ZMYND12: variants seen among roughly 807,000 people sequenced by gnomAD.
ZMYND12 encodes the protein zinc finger MYND domain-containing protein 12.
ZMYND12 carries 32 observed loss-of-function variants against 41.7 expected under a neutral mutation model. The ratio of observed to expected loss-of-function variants is 0.77; its 90% confidence interval spans 0.58 to 1.03. The LOEUF (loss-of-function observed/expected upper bound fraction) is 1.03. Ranked by LOEUF, ZMYND12 falls within the 50% of genes least tolerant of loss-of-function variation. The pLI is 0.00. For synonymous variants in ZMYND12, 148 were observed against 164.8 expected (o/e 0.90, Z 0.78); for missense variants, 424 against 438.5 (o/e 0.97, Z 0.30).
intron 5 of ZMYND12, 83 bp downstream of exon 5, chr1:42,436,334 TGGTA>T: frequency 6.4e-7 from 1 of 1,554,868 alleles, no homozygotes; most frequent in Non-Finnish European, 8.8e-7. Flanking sequence ...TTCTCATGAA[TGGTA>T]TGTTTTTCAT....
intron 7 of ZMYND12, among the ~76,000 whole-genome samples, chr1:42,431,761 C>T (rs1642856271): frequency 6.6e-6 from 1 of 152,138 alleles, no homozygotes; most frequent in African/African-American, 2.4e-5. Context: ...TTTCCTATTC[C>T]TCACCCATTC....
At chr1:42,441,920 G>A (rs1159773518) in intron 3 of ZMYND12, among the ~76,000 whole-genome samples, 1 of 152,144 alleles carries the variant, frequency 6.6e-6, no homozygotes, top group Non-Finnish European at 1.5e-5. Context: ...GCACCCGGCC[G>A]TATTGTTTTT....
chr1:42,436,468 A>G lies in ZMYND12; in HGVS notation c.670T>C (p.Phe224Leu), dbSNP rs895088721. The change falls in exon 5 of 8, where the codon TTC (phenylalanine) becomes CTC (leucine). Residue 224 changes from phenylalanine to leucine, a missense_variant. Transcript: ENST00000372565. ...SGGYFHLANI[F>L]YDLKKLDLAD... The stretch of plus-strand genomic sequence containing the variant: ...AGGTCCAACTTTTTAAGGTCATAGA[A>G]TATATTAGCCAGGTGGAAGTAGCCT... 1 of 1,613,830 alleles carries G rather than the reference A, an allele frequency of 6.2e-7. No homozygotes were observed. The highest frequency in any genetic ancestry group is 8.5e-7 in the Non-Finnish European group (1 of 1,179,734).
rs143846840 is a variant in ZMYND12, at chr1:42,439,216, C to T, written c.594+640G>A. On this transcript the variant is annotated intron_variant, in intron 4 of 7. Coordinates refer to ENST00000372565, the MANE Select transcript of ZMYND12 (RefSeq NM_032257.5). The stretch of plus-strand genomic sequence containing the variant: ...AAGAGGTTAAACAAATTTTCCAAGA[C>T]GATGTGGCTAGTGAAACAGATCTGT... 4.0e-3 allele frequency among the ~76,000 whole-genome samples: 522 copies of T among 132,010 alleles called. 4 individuals are homozygous for T. Among genetic ancestry groups the T allele is most frequent in the African/African-American group, 0.01 (352 of 34,366 alleles). 86.6% of individuals were successfully genotyped at this position (132,010 alleles called of 152,430 possible).
chr1:42,437,334 C>T (rs1398035231), intron 4 of ZMYND12, among the ~76,000 whole-genome samples: 1 of 152,122 alleles, frequency 6.6e-6, no homozygotes, highest in Non-Finnish European at 1.5e-5. Context: ...TGGAAATGTT[C>T]TGAAACTTGA....
At chr1:42,437,134 T>C (rs1434977672) in intron 4 of ZMYND12, among the ~76,000 whole-genome samples, 2 of 152,192 alleles carry the variant, frequency 1.3e-5, no homozygotes, top group Non-Finnish European at 2.9e-5. Context: ...TGTTGATACA[T>C]GCAACAACAT....
chr1:42,451,278 A>G (rs1218032499), intron 1 of ZMYND12, among the ~76,000 whole-genome samples: 4 of 152,154 alleles, frequency 2.6e-5, no homozygotes, highest in African/African-American at 9.7e-5. Context: ...GTCTTCAACC[A>G]TTATTATTAA....
At chr1:42,448,921 T>C (rs993603564) in intron 2 of ZMYND12, among the ~76,000 whole-genome samples, 1 of 152,246 alleles carries the variant, frequency 6.6e-6, no homozygotes, top group African/African-American at 2.4e-5. Context: ...TAAATGAGTA[T>C]TGTTTTTACA....
chr1:42,455,054 AC>A (rs1450712711), intron 1 of ZMYND12, among the ~76,000 whole-genome samples: 1 of 152,140 alleles, frequency 6.6e-6, no homozygotes, highest in Non-Finnish European at 1.5e-5. Context: ...TTATTCATAA[AC>A]TGCTAAAGGG....
chr1:42,435,369 T>C lies in ZMYND12; in HGVS notation c.734A>G (p.His245Arg), dbSNP rs1422586342. ...TTGATAGTGATTGTTCAAATATGCA[T>C]GCCAGATCTCAGAGACCTGTTGGGA... Reference protein sequence around the residue: ...TLYTKVSEIWHAYLNNHYQVL... With the variant: ...TLYTKVSEIWRAYLNNHYQVL... Residue 245 changes from histidine to arginine, a missense_variant, in exon 6 of 8, where the codon CAT (histidine) becomes CGT (arginine). By Grantham distance (29) the His-to-Arg change is conservative (BLOSUM62 0). Transcript: ENST00000372565. The C allele has an allele frequency of 6.2e-7, 1 of 1,613,500 alleles. No homozygotes were observed. The highest frequency in any genetic ancestry group is 1.3e-5 in the African/African-American group (1 of 74,918).
chr1:42,432,516 G>T (rs1468387429), intron 7 of ZMYND12, among the ~76,000 whole-genome samples: 1 of 152,080 alleles, frequency 6.6e-6, no homozygotes, highest in Admixed American at 6.6e-5. Flanking sequence ...ACAAATGGTA[G>T]ATTTTCAATA....
At chr1:42,434,207 T>G (rs2148404327) in intron 6 of ZMYND12, among the ~76,000 whole-genome samples, 1 of 152,318 alleles carries the variant, frequency 6.6e-6, no homozygotes, top group South Asian at 2.1e-4. Flanking sequence ...GAGCAGAAAC[T>G]AGATCCTCTG....
rs748051550 is a variant in ZMYND12 at position 42,436,484 on chromosome 1, G to T, written c.654C>A (p.Phe218Leu). The T allele has an allele frequency of 6.2e-7, 1 of 1,613,830 alleles. No homozygotes were observed. The highest frequency in any genetic ancestry group is 8.5e-7 in the Non-Finnish European group (1 of 1,179,760). The change falls in exon 5 of 8, where the codon TTC becomes TTA. Residue 218 changes from phenylalanine to leucine, a missense_variant. By Grantham distance (22) the Phe-to-Leu change is conservative (BLOSUM62 0). Transcript: ENST00000372565. The part of the protein sequence containing the change: ...TEDIRTSGGY[F>L]HLANIFYDLK... ...GGTCATAGAATATATTAGCCAGGTG[G>T]AAGTAGCCTCCTGAAGTCCTAATGT...
chr1:42,441,289 G>A (rs1642965401), intron 3 of ZMYND12, among the ~76,000 whole-genome samples: 1 of 152,104 alleles, frequency 6.6e-6, no homozygotes, highest in Non-Finnish European at 1.5e-5. Flanking sequence ...CCAGGCAGAA[G>A]TAACAGCATG....
rs570743370 is a variant in ZMYND12 at position 42,439,514 on chromosome 1, T to C, written c.594+342A>G. ...CTCCTGACCTCGTGATCCACCCACC[T>C]TGGCCTCCCAAAGTGCTGGGATTAC... On this transcript the variant is annotated intron_variant, in intron 4 of 7. Coordinates refer to ENST00000372565, the MANE Select transcript of ZMYND12 (RefSeq NM_032257.5). 3.5e-3 allele frequency among the ~76,000 whole-genome samples: 534 copies of C among 152,236 alleles called. 2 individuals are homozygous for C. Among genetic ancestry groups the C allele is most frequent in the Non-Finnish European group, 5.0e-3 (341 of 68,010 alleles).
Position 42,441,867 on chromosome 1 carries a change from G to A in ZMYND12, c.425-1842C>T, listed in dbSNP as rs1423992634. ...GATCTCCTGACCTTGTGATCCGCCC[G>A]CCTCGGCCTCCCAAAGTGCTGGGAT... is the stretch of plus-strand genomic sequence containing the variant. On this transcript the variant is annotated intron_variant, in intron 3 of 7. Transcript: ENST00000372565. 1.1e-4 allele frequency among the ~76,000 whole-genome samples: 16 copies of A among 152,292 alleles called. No homozygotes were observed. In the East Asian group the frequency reaches 1.2e-3, roughly 11 times the overall value.
intron 3 of ZMYND12, among the ~76,000 whole-genome samples, chr1:42,448,220 T>C (rs1180101213): frequency 6.6e-6 from 1 of 152,202 alleles, no homozygotes; most frequent in Non-Finnish European, 1.5e-5. Context: ...TCAGCTCCTG[T>C]AGGATACTAC....
chr1:42,436,562 G>A lies in ZMYND12; in HGVS notation c.595-19C>T. On this transcript the variant is annotated intron_variant, in intron 4 of 7. Coordinates refer to ENST00000372565, the MANE Select transcript of ZMYND12 (RefSeq NM_032257.5). ...AATAAATCTATAGCAGAAGGAAGAA[G>A]GAGAGTGCTTGAGTTCCTTTTGCAA... is the stretch of plus-strand genomic sequence containing the variant. 6.2e-7 allele frequency: 1 copy of A among 1,611,516 alleles called. No homozygotes were observed. Among genetic ancestry groups the A allele is most frequent in the Non-Finnish European group, 8.5e-7 (1 of 1,178,166 alleles).
chr1:42,439,948 T>A lies in ZMYND12; in HGVS notation c.502A>T (p.Asn168Tyr). The A allele has an allele frequency of 6.2e-7, 1 of 1,614,150 alleles. No homozygotes were observed. The highest frequency in any genetic ancestry group is 8.5e-7 in the Non-Finnish European group (1 of 1,180,024). ...CGATGCAGTAAAGAGTGGGTGGCAT[T>A]ACTACAGTCAGTTGATTTGAGGACT... ...WTVLKSTDCS[N>Y]ATHSLLHRNL... Residue 168 changes from asparagine (N) to tyrosine (Y), a missense_variant, in exon 4 of 8, where the codon AAT becomes TAT. Coordinates refer to ENST00000372565, the MANE Select transcript of ZMYND12 (RefSeq NM_032257.5).
Sources: allele counts gnomAD v4.1 joint callset (sites outside exome capture counted in the v4.1 genomes callset), GRCh38; gene constraint gnomAD v4.1.1; transcripts MANE v1.5; gene names NCBI Gene and HGNC (gene_info 2026-07-23, HGNC 2026-07-21).